Variants in TMPRSS6 observed in about 807,000 individuals in gnomAD.
TMPRSS6 encodes the protein transmembrane serine protease 6.
A neutral mutation model predicts 101.5 loss-of-function variants in TMPRSS6; 67 were observed. The observed-to-expected ratio is 0.66, with a 90% CI of 0.54 to 0.81. The LOEUF (loss-of-function observed/expected upper bound fraction) is 0.81. TMPRSS6 is among the 30% of genes least tolerant of loss of function. TMPRSS6 has a pLI of 0.00. For missense variants in TMPRSS6, 1,034 were observed against 1,088.7 expected (o/e 0.95, Z 0.71); for synonymous variants, 453 against 464.9 (o/e 0.97, Z 0.33).
chr22:37,091,539 T>C (rs1327127573), intron 6 of TMPRSS6, among the ~76,000 whole-genome samples: 1 of 152,172 alleles, frequency 6.6e-6, no homozygotes, highest in African/African-American at 2.4e-5. Flanking sequence ...ATGTCATTCT[T>C]GGCTCATGGG....
chr22:37,071,115 G>A (rs1216621041), intron 13 of TMPRSS6, 83 bp from the exon 14 acceptor site: 12 of 1,252,062 alleles, frequency 9.6e-6, no homozygotes, highest in Admixed American at 3.6e-5. Context: ...GTGCAGGAAC[G>A]ATGGAGCCAG....
chr22:37,084,342 C>T lies in TMPRSS6; in HGVS notation c.1149G>A (p.Lys383=), dbSNP rs770443733. 7.4e-6 allele frequency: 12 copies of T among 1,613,746 alleles called. No homozygotes were observed. Among genetic ancestry groups the T allele is most frequent in the Non-Finnish European group, 1.0e-5 (12 of 1,179,818 alleles). The part of the protein sequence containing the change: ...WFDAYALRRQ[K]YDLPCTQGQW... The stretch of plus-strand genomic sequence containing the variant: ...GGCCCTGGGTGCACGGCAAATCATA[C>T]TTCTGCCTCCTCAGTGCATAGGCAT... Residue 383 remains lysine (K), a synonymous_variant, in exon 10 of 18, where the codon AAG becomes AAA. Transcript: ENST00000676104.
chr22:37,083,142 C>T lies in TMPRSS6; in HGVS notation c.1196+1153G>A, dbSNP rs936919928. On this transcript the variant is annotated intron_variant, in intron 10 of 17. Coordinates refer to ENST00000676104, the MANE Select transcript of TMPRSS6 (RefSeq NM_001374504.1). ...TACTAGACTCTGAACCCATTAGGCCCCCAGAATTCCGAGGTTGGAAGGGAG... is the reference window on the plus strand; with the variant it reads ...TACTAGACTCTGAACCCATTAGGCCTCCAGAATTCCGAGGTTGGAAGGGAG... 1.3e-5 allele frequency: 6 copies of T among 459,800 alleles called. No individual in the cohort carries two copies. In the Admixed American group the frequency reaches 1.5e-4, roughly 11 times the overall value. The allele number at this position is 459,800 out of a possible 1,614,324, so 28.5% of individuals were successfully genotyped here.
intron 10 of TMPRSS6, among the ~76,000 whole-genome samples, chr22:37,078,824 A>C (rs1431620769): frequency 6.9e-5 from 10 of 144,442 alleles, no homozygotes; most frequent in African/African-American, 2.6e-4. Flanking sequence ...GGAGAAGAAG[A>C]AGAAAGAGGA....
At chr22:37,090,296 C>G (rs1031023880) in intron 6 of TMPRSS6, among the ~76,000 whole-genome samples, 4 of 152,242 alleles carry the variant, frequency 2.6e-5, no homozygotes, top group Non-Finnish European at 5.9e-5. Flanking sequence ...GCTGCTTTCT[C>G]CTGCAGCCAT....
chr22:37,084,627 T>A (rs2146104745), intron 9 of TMPRSS6, 100 bp downstream of exon 9: 1 of 1,106,162 alleles, frequency 9.0e-7, no homozygotes, highest in East Asian at 2.6e-5. Flanking sequence ...TGTGGGCGCT[T>A]CAGCAGAGGC....
intron 6 of TMPRSS6, 122 bp from the exon 7 acceptor site, chr22:37,089,904 G>A: frequency 1.1e-6 from 1 of 901,180 alleles, no homozygotes; most frequent in Non-Finnish European, 1.7e-6. Context: ...AGCCGGGTGG[G>A]GATAGCCAGA....
chr22:37,071,680 C>T (rs1024324772), intron 13 of TMPRSS6, among the ~76,000 whole-genome samples: 8 of 152,220 alleles, frequency 5.3e-5, no homozygotes, highest in African/African-American at 1.4e-4. Flanking sequence ...CCTTGCCTAT[C>T]GCTGGGTAGC....
chr22:37,071,316 A>C (rs576119990), intron 13 of TMPRSS6, among the ~76,000 whole-genome samples: 104 of 152,156 alleles, frequency 6.8e-4, no homozygotes, highest in African/African-American at 2.5e-3. Flanking sequence ...TGGAACTTGA[A>C]GGCAGAACTG....
intron 6 of TMPRSS6, among the ~76,000 whole-genome samples, chr22:37,094,033 A>G (rs570842952): frequency 6.6e-6 from 1 of 151,824 alleles, no homozygotes; most frequent in Non-Finnish European, 1.5e-5. Context: ...ATATATATAT[A>G]TGTCATTCTT....
intron 6 of TMPRSS6, 24 bp downstream of exon 6, chr22:37,095,527 G>T: frequency 6.2e-7 from 1 of 1,611,320 alleles, no homozygotes; most frequent in Non-Finnish European, 8.5e-7. Context: ...AGGAAAATGG[G>T]GAGGGGAAAA....
At chr22:37,092,399 C>T (rs906107265) in intron 6 of TMPRSS6, among the ~76,000 whole-genome samples, 4 of 152,216 alleles carry the variant, frequency 2.6e-5, no homozygotes, top group Non-Finnish European at 5.9e-5. Flanking sequence ...ATCACAACAG[C>T]TCATTGCAGC....
Position 37,105,745 on chromosome 22 carries a change from C to A in TMPRSS6, c.-1-2327G>T, listed in dbSNP as rs552656975. Among the ~76,000 whole-genome samples, 3 of 152,336 alleles carry A rather than the reference C, an allele frequency of 2.0e-5. No homozygotes were observed. The South Asian group carries it at 6.2e-4, about 32-fold the overall frequency. On this transcript the variant is annotated intron_variant, in intron 1 of 17. Transcript: ENST00000676104. Reference sequence around the variant, plus strand: ...AGTATGGTAGCACGATCATAGCTCACCCCAGCCTCCAACTCCTGGGTTCGA... The same window carrying A: ...AGTATGGTAGCACGATCATAGCTCAACCCAGCCTCCAACTCCTGGGTTCGA...
At chr22:37,098,293 G>A in intron 3 of TMPRSS6, 123 bp downstream of exon 3, 21 of 1,431,300 alleles carry the variant, frequency 1.5e-5, no homozygotes, top group Non-Finnish European at 1.7e-5. Context: ...GGTGCCTGGA[G>A]CAGGGCTGTG....
chr22:37,080,300 G>A (rs1928160273), intron 10 of TMPRSS6: 1 of 152,416 alleles, frequency 6.6e-6, no homozygotes, highest in Admixed American at 6.5e-5. Flanking sequence ...TCTCAGAGGA[G>A]TCAGGTGAAG....
At chr22:37,072,837 A>G (rs973156778) in intron 13 of TMPRSS6, among the ~76,000 whole-genome samples, 13 of 140,106 alleles carry the variant, frequency 9.3e-5, no homozygotes, top group Non-Finnish European at 1.7e-4. Context: ...GGATAGACGG[A>G]TGATGGATGG....
rs1927347337 is a variant in TMPRSS6 at position 37,073,628 on chromosome 22, G to A, written c.1459C>T (p.Gln487Ter). Residue 487 changes from glutamine to a stop codon, truncating the protein, a stop_gained, in exon 13 of 18, where the codon CAG becomes TAG. Transcript: ENST00000676104. LOFTEE classifies it high-confidence loss of function. Reference protein sequence around the residue: ...ERNCVCRATFQCKEDSTCISL... With the variant: ...ERNCVCRATF ...ATGCATGTGCTGTCCTCTTTGCACTGGAATGTGGCTCTGCAAACTGTGTGG... is the reference window on the plus strand; with the variant it reads ...ATGCATGTGCTGTCCTCTTTGCACTAGAATGTGGCTCTGCAAACTGTGTGG... 6.2e-7 allele frequency: 1 copy of A among 1,613,584 alleles called. No individual in the cohort carries two copies. The highest frequency in any genetic ancestry group is 1.7e-5 in the Admixed American group (1 of 60,008).
intron 13 of TMPRSS6, 88 bp downstream of exon 13, chr22:37,073,444 A>G (rs149203213): frequency 1.2e-6 from 1 of 811,724 alleles, no homozygotes; most frequent in Admixed American, 1.7e-5. Flanking sequence ...GGGTGTTGAG[A>G]GGAGAAGCTA....
In TMPRSS6 at chr22:37,069,282, G is replaced by A. The variant is rs1197527650; in HGVS notation, c.1904C>T (p.Pro635Leu). 1.3e-6 allele frequency: 2 copies of A among 1,529,650 alleles called. No homozygotes were observed. The highest frequency in any genetic ancestry group is 1.8e-4 in the Middle Eastern group (1 of 5,646). 94.8% of individuals were successfully genotyped at this position (1,529,650 alleles called of 1,614,324 possible). Residue 635 changes from proline (P) to leucine (L), a missense_variant, in exon 16 of 18, where the codon CCT becomes CTT. By Grantham distance (98) the Pro-to-Leu change is moderately conservative. Transcript: ENST00000676104. The surrounding 1 kb of genome is among the most constrained non-coding windows in gnomAD (Gnocchi z 4.8). ...GCTCACCTTGAAGGACACCTCTCCA[G>A]GCCAGCGCGAGTTCTGCCACACCTT... Reference protein sequence around the residue: ...LGKVWQNSRWPGEVSFKVSRL... With the variant: ...LGKVWQNSRWLGEVSFKVSRL...
Sources: gnomAD v4.1 joint callset for allele counts (sites outside exome capture counted in the v4.1 genomes callset) on GRCh38, gnomAD v4.1.1 for gene constraint, Gnocchi (gnomAD v3.1) non-coding constraint, MANE v1.5 for transcripts, NCBI Gene and HGNC (gene_info 2026-07-23, HGNC 2026-07-21) for gene names.